DOCK2: variants seen among roughly 807,000 people sequenced by gnomAD.
The protein encoded by DOCK2 is dedicator of cytokinesis protein 2.
Under a neutral mutation model 248.9 loss-of-function variants are expected in DOCK2, and 87 were observed. That is an observed-to-expected ratio of 0.35 (90% CI 0.29 to 0.42). The LOEUF (loss-of-function observed/expected upper bound fraction) is 0.42. DOCK2 is among the 10% of genes least tolerant of loss of function. DOCK2 has a pLI of 1.00. For missense variants in DOCK2, 1,747 were observed against 2,300.2 expected, an observed-to-expected ratio of 0.76 and a Z score of 4.92; for synonymous variants, 805 against 821.6, an observed-to-expected ratio of 0.98 and a Z score of 0.35.
chr5:169,772,664 C>A (rs1029774464), intron 25 of DOCK2, among the ~76,000 whole-genome samples: 4 of 152,200 alleles, frequency 2.6e-5, no homozygotes, highest in African/African-American at 9.7e-5. Flanking sequence ...TTAAAAAAGT[C>A]ATCCTCTGCT....
intron 13 of DOCK2, among the ~76,000 whole-genome samples, chr5:169,700,850 G>C (rs560377056): frequency 2.0e-5 from 3 of 151,596 alleles, no homozygotes; most frequent in Non-Finnish European, 1.5e-5. Context: ...CAAGAAATTC[G>C]GAGAGGGGAG....
chr5:169,735,151 A>G (rs993247278), intron 22 of DOCK2, among the ~76,000 whole-genome samples: 1 of 152,154 alleles, frequency 6.6e-6, no homozygotes, highest in Non-Finnish European at 1.5e-5. Context: ...AGATCACAGT[A>G]CTCACCTTCT....
chr5:169,707,793 G>A (rs1761358430), intron 14 of DOCK2, among the ~76,000 whole-genome samples: 1 of 152,200 alleles, frequency 6.6e-6, no homozygotes, highest in African/African-American at 2.4e-5. Flanking sequence ...GCTGATCTGA[G>A]CCTGTTAGTA....
At chr5:169,666,161 T>G (rs1227586144) in intron 2 of DOCK2, among the ~76,000 whole-genome samples, 1 of 152,116 alleles carries the variant, frequency 6.6e-6, no homozygotes, top group Admixed American at 6.5e-5. Context: ...TGTAGATGGC[T>G]GTGTTCTTGT....
intron 27 of DOCK2, among the ~76,000 whole-genome samples, chr5:169,973,198 T>A (rs1777591097): frequency 6.6e-6 from 1 of 152,140 alleles, no homozygotes; most frequent in African/African-American, 2.4e-5. Context: ...GCCTGCCCCC[T>A]CCACTCCCTT....
chr5:170,030,841 G>C (rs965665733), intron 34 of DOCK2, among the ~76,000 whole-genome samples: 2 of 152,120 alleles, frequency 1.3e-5, no homozygotes, highest in Admixed American at 1.3e-4. Flanking sequence ...GATACACAGG[G>C]CCCCCACTGG....
intron 38 of DOCK2, among the ~76,000 whole-genome samples, chr5:170,045,430 G>C (rs973509602): frequency 6.6e-6 from 1 of 152,148 alleles, no homozygotes; most frequent in Non-Finnish European, 1.5e-5. Context: ...ACACACACGG[G>C]GGCTTGCATC....
At chr5:169,681,653 G>A in intron 6 of DOCK2, 91 bp from the exon 7 acceptor site, 2 of 1,525,026 alleles carry the variant, frequency 1.3e-6, no homozygotes, top group African/African-American at 1.4e-5. Flanking sequence ...ATGACCCCCA[G>A]AAATCAGCTG....
At chr5:169,970,615 T>C (rs1464944573) in intron 27 of DOCK2, among the ~76,000 whole-genome samples, 1 of 152,196 alleles carries the variant, frequency 6.6e-6, no homozygotes, top group Non-Finnish European at 1.5e-5. Context: ...TGCAGGGTAG[T>C]TCCCAAGAAT....
At chr5:169,704,981 G>A (rs184174546) in intron 14 of DOCK2, among the ~76,000 whole-genome samples, 73 of 152,250 alleles carry the variant, frequency 4.8e-4, no homozygotes, top group Non-Finnish European at 8.8e-4. Flanking sequence ...GGCCAAGAAG[G>A]TGAAACCTTG....
chr5:169,753,804 G>A (rs1387541096), intron 23 of DOCK2, among the ~76,000 whole-genome samples: 1 of 152,180 alleles, frequency 6.6e-6, no homozygotes, highest in Admixed American at 6.5e-5. Flanking sequence ...TCCTGAGAGA[G>A]CTGCATTTAT....
At chr5:169,724,254 C>T (rs1762354585) in intron 22 of DOCK2, among the ~76,000 whole-genome samples, 1 of 152,262 alleles carries the variant, frequency 6.6e-6, no homozygotes, top group South Asian at 2.1e-4. Context: ...AGCATGGTAA[C>T]ATCCCTAAGT....
intron 22 of DOCK2, among the ~76,000 whole-genome samples, chr5:169,727,205 A>ATACAG (rs1360992841): frequency 6.6e-6 from 1 of 152,236 alleles, no homozygotes. Context: ...ATCATTTATG[A>ATACAG]AGCCTCTCCT....
At chr5:169,836,827 G>C (rs1769608942) in intron 26 of DOCK2, among the ~76,000 whole-genome samples, 1 of 151,110 alleles carries the variant, frequency 6.6e-6, no homozygotes, top group African/African-American at 2.4e-5. Flanking sequence ...GAAAAGTGTT[G>C]AAAGAAAAAT....
intron 30 of DOCK2, among the ~76,000 whole-genome samples, chr5:169,997,021 G>A (rs866864428): frequency 6.6e-6 from 1 of 152,016 alleles, no homozygotes; most frequent in Non-Finnish European, 1.5e-5. Context: ...GGAGGATCCC[G>A]CCAGCCTCTG....
At chr5:169,754,657 G>A (rs1764094222) in intron 23 of DOCK2, among the ~76,000 whole-genome samples, 1 of 152,126 alleles carries the variant, frequency 6.6e-6, no homozygotes, top group Admixed American at 6.6e-5. Flanking sequence ...GAGATAGAAT[G>A]CCTTTCCTAC....
At chr5:169,748,048 G>T (rs1223211507) in intron 23 of DOCK2, among the ~76,000 whole-genome samples, 1 of 152,250 alleles carries the variant, frequency 6.6e-6, no homozygotes, top group Non-Finnish European at 1.5e-5. Flanking sequence ...AACTTTCACA[G>T]AATGCACTTG....
intron 33 of DOCK2, among the ~76,000 whole-genome samples, chr5:170,025,804 C>CTTCCTTCCTTCCTTCT (rs1755888984): frequency 1.1e-4 from 9 of 83,486 alleles, no homozygotes; most frequent in African/African-American, 4.4e-4. Flanking sequence ...TCCTTCCTTC[C>CTTCCTTCCTTCCTTCT]TTCCTTCCTT....
chr5:169,929,604 G>A (rs1277511951), intron 27 of DOCK2, among the ~76,000 whole-genome samples: 1 of 152,038 alleles, frequency 6.6e-6, no homozygotes, highest in Non-Finnish European at 1.5e-5. Flanking sequence ...TTAGCTGAGT[G>A]TGGTGGCACA....
Sources: gnomAD v4.1 joint callset for allele counts (sites outside exome capture counted in the v4.1 genomes callset) on GRCh38, gnomAD v4.1.1 for gene constraint, MANE v1.5 for transcripts, NCBI Gene and HGNC (gene_info 2026-07-23, HGNC 2026-07-21) for gene names.